ANGPT4: variants seen among roughly 807,000 people sequenced by gnomAD.
ANGPT4 encodes angiopoietin-4.
ANGPT4 carries 50 observed loss-of-function variants against 53.0 expected under a neutral mutation model. That is an observed-to-expected ratio of 0.94 (90% CI 0.75 to 1.20). The LOEUF (loss-of-function observed/expected upper bound fraction) is 1.20. Ranked by LOEUF, ANGPT4 falls within the 50% of genes most tolerant of loss-of-function variation. ANGPT4 has a pLI of 0.00. For missense variants in ANGPT4, 648 were observed against 637.1 expected (o/e 1.02, Z -0.18); for synonymous variants, 251 against 259.7 (o/e 0.97, Z 0.32).
intron 3 of ANGPT4, among the ~76,000 whole-genome samples, chr20:885,905 G>A (rs1405689113): frequency 6.6e-6 from 1 of 152,180 alleles, no homozygotes; most frequent in Non-Finnish European, 1.5e-5. Context: ...GAGAAATGGG[G>A]TGAACATATA....
chr20:900,258 T>A (rs1164720520), intron 1 of ANGPT4, among the ~76,000 whole-genome samples: 1 of 152,216 alleles, frequency 6.6e-6, no homozygotes, highest in Admixed American at 6.5e-5. Flanking sequence ...TAACAGTGAA[T>A]GGTTGCTTGT....
At chr20:883,857 A>G (rs1489117723) in intron 4 of ANGPT4, among the ~76,000 whole-genome samples, 2 of 152,228 alleles carry the variant, frequency 1.3e-5, no homozygotes, top group Non-Finnish European at 2.9e-5. Flanking sequence ...CGCCAGTAAT[A>G]GGTTCAGGTT....
Position 901,002 on chromosome 20 carries a change from T to C in ANGPT4, c.310-10634A>G, listed in dbSNP as rs186525018. On this transcript the variant is annotated intron_variant, in intron 1 of 8. Transcript: ENST00000381922. Reference sequence around the variant, plus strand: ...TGCTCCTTCTAACAACCCCACAATGTCACCCTTTACCCCAAAATCTTTCTT... The same window carrying C: ...TGCTCCTTCTAACAACCCCACAATGCCACCCTTTACCCCAAAATCTTTCTT... Among the ~76,000 whole-genome samples the C allele has an allele frequency of 2.1e-3, 323 of 152,150 alleles. 1 individual carries two copies. Among genetic ancestry groups the C allele is most frequent in the African/African-American group, 7.4e-3 (308 of 41,508 alleles).
At chr20:893,524 G>A (rs527592329) in intron 1 of ANGPT4, among the ~76,000 whole-genome samples, 25 of 152,286 alleles carry the variant, frequency 1.6e-4, no homozygotes, top group South Asian at 8.3e-4. Context: ...ATGCATCAGG[G>A]CCCTGCCCCA....
In ANGPT4 at chr20:914,327, C is replaced by T. The variant is rs1052451231; in HGVS notation, c.309+1579G>A. ...GGAAGAGGAAGGTGGTTATTTCGTA[C>T]GGGGAGGACAAGGAGGGCCTCTGGG... is the stretch of plus-strand genomic sequence containing the variant. On this transcript the variant is annotated intron_variant, in intron 1 of 8. Transcript: ENST00000381922. The surrounding 1 kb of genome is among the most constrained non-coding windows in gnomAD (Gnocchi z 5.0). Among the ~76,000 whole-genome samples the T allele has an allele frequency of 4.6e-5, 7 of 151,918 alleles. No homozygotes were observed. Among genetic ancestry groups the T allele is most frequent in the Non-Finnish European group, 7.4e-5 (5 of 67,986 alleles).
At chr20:895,544 C>T (rs1445674705) in intron 1 of ANGPT4, among the ~76,000 whole-genome samples, 1 of 152,124 alleles carries the variant, frequency 6.6e-6, no homozygotes, top group Admixed American at 6.5e-5. Flanking sequence ...AAGAAATTTT[C>T]ACAGGCAGGG....
At chr20:885,708 G>T (rs1981593663) in intron 3 of ANGPT4, among the ~76,000 whole-genome samples, 1 of 152,076 alleles carries the variant, frequency 6.6e-6, no homozygotes, top group Non-Finnish European at 1.5e-5. Flanking sequence ...AACCAAAAAA[G>T]ATATAGCCTA....
chr20:880,263 C>G (rs1357728136), intron 5 of ANGPT4, among the ~76,000 whole-genome samples: 1 of 152,044 alleles, frequency 6.6e-6, no homozygotes, highest in East Asian at 1.9e-4. Context: ...TAAAAGACAA[C>G]CTGGAGACAA....
rs777640954 is a variant in ANGPT4 at position 916,191 on chromosome 20, C to A, written c.24G>T (p.Leu8=). The A allele has an allele frequency of 2.5e-5, 41 of 1,613,310 alleles. No individual in the cohort carries two copies. Among genetic ancestry groups the A allele is most frequent in the Non-Finnish European group, 3.2e-5 (38 of 1,179,462 alleles). Residue 8 remains leucine, a synonymous_variant, in exon 1 of 9, where the codon CTG becomes CTT. Transcript: ENST00000381922. The part of the protein sequence containing the change: MLSQLAM[L]QGSLLLVVAT... Reference sequence around the variant, plus strand: ...CAACCACAAGGAGGAGGCTGCCCTGCAGCATGGCTAGCTGGGAGAGCATCT... The same window carrying A: ...CAACCACAAGGAGGAGGCTGCCCTGAAGCATGGCTAGCTGGGAGAGCATCT...
intron 7 of ANGPT4, among the ~76,000 whole-genome samples, chr20:876,585 A>G (rs1449432854): frequency 6.6e-6 from 1 of 152,114 alleles, no homozygotes; most frequent in Non-Finnish European, 1.5e-5. Context: ...GCCTCATCAC[A>G]CCCTTTTTGA....
At chr20:890,179 G>A in intron 2 of ANGPT4, 34 bp downstream of exon 2, 1 of 1,601,896 alleles carries the variant, frequency 6.2e-7, no homozygotes, top group South Asian at 1.1e-5. Context: ...GCCAGCCACA[G>A]GCCCTCAGTG....
At chr20:901,449 T>C (rs1395059729) in intron 1 of ANGPT4, among the ~76,000 whole-genome samples, 1 of 152,120 alleles carries the variant, frequency 6.6e-6, no homozygotes, top group African/African-American at 2.4e-5. Flanking sequence ...TAATTTTCCA[T>C]TACCTACCCA....
rs1262849190 is a variant in ANGPT4 at position 911,038 on chromosome 20, AT to A, written c.309+4867del. Among the ~76,000 whole-genome samples, 7 of 152,180 alleles carry A rather than the reference AT, an allele frequency of 4.6e-5. No homozygotes were observed. Among genetic ancestry groups the A allele is most frequent in the African/African-American group, 1.7e-4 (7 of 41,446 alleles). On this transcript the variant is annotated intron_variant, in intron 1 of 8. Coordinates refer to ENST00000381922, the MANE Select transcript of ANGPT4 (RefSeq NM_015985.4). This position sits in a 1 kb window ranked among gnomAD's most constrained non-coding sequence, Gnocchi z 4.9. ...GATATTTTGTTCGGCACCGAGACTC[AT>A]TTCTTGTTTGGATAACTGAAGGCTG...
chr20:897,134 A>C (rs554265497), intron 1 of ANGPT4, among the ~76,000 whole-genome samples: 1 of 152,074 alleles, frequency 6.6e-6, no homozygotes, highest in Admixed American at 6.5e-5. Context: ...TGCCCACCCC[A>C]TCTCCTTTTT....
Position 903,069 on chromosome 20 carries a change from C to T in ANGPT4, c.310-12701G>A, listed in dbSNP as rs942508769. On this transcript the variant is annotated intron_variant, in intron 1 of 8. Transcript: ENST00000381922. ...TAAGAGGGTCAAGGCGGGGGCTGGG[C>T]GGGTGAAAGTGGTGCTTCCCTCACC... Among the ~76,000 whole-genome samples, 6 of 152,084 alleles carry T rather than the reference C, an allele frequency of 3.9e-5. No individual in the cohort carries two copies. The South Asian group carries it at 6.2e-4, about 16-fold the overall frequency.
At chr20:891,267 G>T (rs947421512) in intron 1 of ANGPT4, among the ~76,000 whole-genome samples, 5 of 152,188 alleles carry the variant, frequency 3.3e-5, no homozygotes, top group Non-Finnish European at 7.3e-5. Context: ...AGGTCCATTG[G>T]CCAAGCTGTG....
chr20:887,196 C>T lies in ANGPT4; in HGVS notation c.587+1122G>A, dbSNP rs141143539. ...GGGCAGAAGAAATTTCCTCTGGACT[C>T]CCAATTATGCTGCAGGAAAAGAGAG... On this transcript the variant is annotated intron_variant, in intron 3 of 8. Transcript: ENST00000381922. 2.4e-3 allele frequency among the ~76,000 whole-genome samples: 370 copies of T among 152,218 alleles called. 3 individuals are homozygous for T. In the East Asian group the frequency reaches 0.03, roughly 12 times the overall value.
rs563675893 is a variant in ANGPT4 at position 874,090 on chromosome 20, G to A, written c.1351+194C>T. 3.9e-3 allele frequency among the ~76,000 whole-genome samples: 595 copies of A among 152,296 alleles called. 5 individuals carry two copies. Among genetic ancestry groups the A allele is most frequent in the African/African-American group, 0.014 (565 of 41,564 alleles). On this transcript the variant is annotated intron_variant, in intron 8 of 8. Transcript: ENST00000381922. ...CCAGCTTTAGGAGGAGGTGAGACCT[G>A]GAGGGGACTTCAAGGACTCAATGGG...
chr20:873,950 C>T (rs1466794005), intron 8 of ANGPT4, among the ~76,000 whole-genome samples: 3 of 152,194 alleles, frequency 2.0e-5, no homozygotes, highest in Non-Finnish European at 2.9e-5. Context: ...CCTCTGGTCT[C>T]CTGATCCTGG....
Sources: allele counts gnomAD v4.1 joint callset (sites outside exome capture counted in the v4.1 genomes callset), GRCh38; gene constraint gnomAD v4.1.1; non-coding constraint Gnocchi (gnomAD v3.1); transcripts MANE v1.5; gene names NCBI Gene and HGNC (gene_info 2026-07-23, HGNC 2026-07-21).